Variants in RGS6 observed in about 807,000 individuals in gnomAD.
The protein encoded by RGS6 is regulator of G-protein signaling 6.
In RGS6, 30 loss-of-function variants were observed where a neutral mutation model predicts 78.5. The ratio of observed to expected loss-of-function variants is 0.38; its 90% CI spans 0.29 to 0.52. The LOEUF (loss-of-function observed/expected upper bound fraction) is 0.52. RGS6 is among the 20% of genes least tolerant of loss of function. The pLI, the probability that RGS6 is intolerant of heterozygous loss-of-function variation, is 0.85. For missense variants in RGS6, 495 were observed against 609.7 expected (o/e 0.81, Z 1.98); for synonymous variants, 206 against 206.0 (o/e 1.00, Z 0.00).
At chr14:72,560,610 C>A (rs2097659014) in intron 17 of RGS6, among the ~76,000 whole-genome samples, 1 of 152,176 alleles carries the variant, frequency 6.6e-6, no homozygotes, top group South Asian at 2.1e-4. Flanking sequence ...TATTGTTGTA[C>A]CTAACCTGGT....
the RGS6 span, among the ~76,000 whole-genome samples, chr14:72,575,832 T>C: frequency 6.6e-6 from 1 of 152,182 alleles, no homozygotes; most frequent in Non-Finnish European, 1.5e-5. Flanking sequence ...ATAAATATAT[T>C]TTAAAAGCAG....
chr14:72,300,418 G>C (rs557228365), intron 2 of RGS6, among the ~76,000 whole-genome samples: 2 of 152,288 alleles, frequency 1.3e-5, no homozygotes, highest in South Asian at 4.2e-4. Context: ...AAACCAGTGG[G>C]AAGGGGACAG....
chr14:71,884,654 G>A, the RGS6 span, among the ~76,000 whole-genome samples: 1 of 152,136 alleles, frequency 6.6e-6, no homozygotes, highest in Non-Finnish European at 1.5e-5. Context: ...GACACACTTT[G>A]TTCTTCTTAG....
intron 3 of RGS6, among the ~76,000 whole-genome samples, chr14:72,435,997 G>T (rs1261810222): frequency 6.6e-6 from 1 of 152,142 alleles, no homozygotes; most frequent in Non-Finnish European, 1.5e-5. Context: ...TAAGTAAGTA[G>T]AGTATGGCAT....
At chr14:72,395,729 G>T (rs1417461520) in intron 3 of RGS6, among the ~76,000 whole-genome samples, 2 of 150,750 alleles carry the variant, frequency 1.3e-5, no homozygotes, top group African/African-American at 4.9e-5. Flanking sequence ...TCCCCGTCCT[G>T]TGTCCATGTG....
chr14:72,321,206 G>A (rs1239151928), intron 2 of RGS6, among the ~76,000 whole-genome samples: 1 of 151,772 alleles, frequency 6.6e-6, no homozygotes, highest in Non-Finnish European at 1.5e-5. Flanking sequence ...AGTTACAAAG[G>A]TGATCACTGG....
At chr14:72,570,511 T>C (rs2097719038), downstream of RGS6, among the ~76,000 whole-genome samples, 1 of 152,212 alleles carries the variant, frequency 6.6e-6, no homozygotes, top group South Asian at 2.1e-4. Context: ...GTATAAGCAA[T>C]AGTGAATATC....
At chr14:72,065,279 T>C (rs145446112) in intron 2 of RGS6, among the ~76,000 whole-genome samples, 1 of 152,340 alleles carries the variant, frequency 6.6e-6, no homozygotes, top group East Asian at 1.9e-4. Context: ...GGTTACAAAT[T>C]GCATTTTTTC....
At chr14:72,493,746 T>A (rs2153411029) in intron 12 of RGS6, among the ~76,000 whole-genome samples, 1 of 151,628 alleles carries the variant, frequency 6.6e-6, no homozygotes, top group South Asian at 2.1e-4. Context: ...TCCAGGCTTC[T>A]CAATAGTAAC....
At chr14:72,367,647 AT>A (rs993910399) in intron 3 of RGS6, among the ~76,000 whole-genome samples, 24 of 152,206 alleles carry the variant, frequency 1.6e-4, no homozygotes, top group Admixed American at 4.6e-4. Flanking sequence ...TACTTAACAC[AT>A]TTTTTTATGA....
chr14:72,578,286 A>G, the RGS6 span, among the ~76,000 whole-genome samples: 1 of 152,122 alleles, frequency 6.6e-6, no homozygotes. Context: ...GCCTCCCTTG[A>G]TGGCACCCCC....
At chr14:72,362,845 A>T (rs1179651347) in intron 3 of RGS6, among the ~76,000 whole-genome samples, 1 of 152,204 alleles carries the variant, frequency 6.6e-6, no homozygotes, top group Non-Finnish European at 1.5e-5. Flanking sequence ...GATTCATTGG[A>T]GGGCATTACC....
At chr14:72,163,676 C>G (rs905410962) in intron 2 of RGS6, among the ~76,000 whole-genome samples, 1 of 151,988 alleles carries the variant, frequency 6.6e-6, no homozygotes, top group African/African-American at 2.4e-5. Context: ...CGAGGTCAGG[C>G]GTTCGAGACC....
At chr14:72,165,082 T>C (rs2096906320) in intron 2 of RGS6, among the ~76,000 whole-genome samples, 1 of 152,164 alleles carries the variant, frequency 6.6e-6, no homozygotes, top group Non-Finnish European at 1.5e-5. Context: ...AGCTGATACT[T>C]TGGGAATTCC....
At chr14:72,121,398 C>T (rs886416326) in intron 2 of RGS6, among the ~76,000 whole-genome samples, 5 of 152,144 alleles carry the variant, frequency 3.3e-5, no homozygotes, top group East Asian at 1.9e-4. Flanking sequence ...GGAGAAGACA[C>T]CAGTGGCTTC....
intron 2 of RGS6, among the ~76,000 whole-genome samples, chr14:72,118,318 G>C (rs1218407863): frequency 6.6e-6 from 1 of 152,056 alleles, no homozygotes; most frequent in Non-Finnish European, 1.5e-5. Flanking sequence ...GGATCAGAAA[G>C]CCTTTTCTCT....
At position 72,540,166 on chromosome 14, in the gene RGS6, T is replaced by TG. The variant is rs770440526; in HGVS notation, c.1422+72_1422+73insG. ...TTTTTTCTTTCTTCTTCTTTTTTTT[T>TG]TTTTTCCCTTTGGTTGTTGTTTCCT... On this transcript the variant is annotated intron_variant, in intron 17 of 17. Transcript: ENST00000553525. 527 of 1,530,674 alleles carry TG rather than the reference T, an allele frequency of 3.4e-4. 3 individuals carry two copies. The highest frequency in any genetic ancestry group is 1.4e-3 in the Middle Eastern group (8 of 5,778). The allele number at this position is 1,530,674 out of a possible 1,614,324, so 94.8% of individuals were successfully genotyped here.
intron 1 of RGS6, among the ~76,000 whole-genome samples, chr14:71,949,378 A>G (rs2092016995): frequency 6.6e-6 from 1 of 151,986 alleles, no homozygotes; most frequent in Non-Finnish European, 1.5e-5. Context: ...GTGCGTAGTG[A>G]TGTCTTATTA....
At chr14:72,305,896 T>C (rs2067130561) in intron 2 of RGS6, among the ~76,000 whole-genome samples, 1 of 152,184 alleles carries the variant, frequency 6.6e-6, no homozygotes, top group African/African-American at 2.4e-5. Flanking sequence ...GGCAAAATAA[T>C]TAGCCAAGTT....
Sources: gnomAD v4.1 joint callset for allele counts (sites outside exome capture counted in the v4.1 genomes callset) on GRCh38, gnomAD v4.1.1 for gene constraint, MANE v1.5 for transcripts, NCBI Gene and HGNC (gene_info 2026-07-23, HGNC 2026-07-21) for gene names.